The following NCOR1 variants were observed in gnomAD, a reference collection of about 807,000 sequenced individuals.
The protein encoded by NCOR1 is nuclear receptor corepressor 1.
NCOR1 carries 63 observed loss-of-function variants against 288.1 expected under a neutral mutation model. The observed-to-expected ratio is 0.22, with a 90% CI of 0.18 to 0.27. The LOEUF (loss-of-function observed/expected upper bound fraction) is 0.27, where lower values mean the gene tolerates loss of function less well. Ranked by LOEUF, NCOR1 falls within the 10% of genes least tolerant of loss-of-function variation. The pLI is 1.00. For missense variants in NCOR1, 2,397 were observed against 3,019.2 expected (o/e 0.79, Z 4.83); for synonymous variants, 1,007 against 1,065.9 (o/e 0.94, Z 1.08).
intron 22 of NCOR1, among the ~76,000 whole-genome samples, chr17:16,086,771 A>G (rs1247918042): frequency 6.6e-6 from 1 of 152,214 alleles, no homozygotes; most frequent in East Asian, 1.9e-4. Flanking sequence ...TACTTCTTAA[A>G]AACAGCTGAT....
At chr17:16,133,104 G>C (rs1433744324) in intron 14 of NCOR1, among the ~76,000 whole-genome samples, 1 of 151,996 alleles carries the variant, frequency 6.6e-6, no homozygotes, top group African/African-American at 2.4e-5. Context: ...GAATAGCTGA[G>C]ATTATAGGTG....
In NCOR1 at chr17:16,127,347, A is replaced by G. The variant is rs376368056; in HGVS notation, c.1510-1141T>C. On this transcript the variant is annotated intron_variant, in intron 14 of 45. Transcript: ENST00000268712. ...TATGTATGTATATATACATGTATGT[A>G]TATATGTATGTATATATACATGTAT... Among the ~76,000 whole-genome samples, 5 of 136,374 alleles carry G rather than the reference A, an allele frequency of 3.7e-5. 1 individual carries two copies. Among genetic ancestry groups the G allele is most frequent in the South Asian group, 4.4e-4 (2 of 4,578 alleles). 89.5% of individuals were successfully genotyped at this position (136,374 alleles called of 152,430 possible). A position where few individuals can be genotyped will look rare whatever the true frequency, so the allele number is the denominator to read the frequency against.
intron 18 of NCOR1, among the ~76,000 whole-genome samples, chr17:16,115,707 C>A (rs2071437563): frequency 6.6e-6 from 1 of 152,206 alleles, no homozygotes. Context: ...TCTGAGATCA[C>A]CTCAGCCTGG....
intron 13 of NCOR1, 79 bp downstream of exon 13, chr17:16,138,077 TTA>T: frequency 8.7e-7 from 1 of 1,144,936 alleles, no homozygotes; most frequent in Non-Finnish European, 1.3e-6. Context: ...AGTTAACTAC[TTA>T]TATGTGTCAG....
chr17:16,143,783 A>T (rs2077471080), intron 10 of NCOR1, 87 bp from the exon 11 acceptor site: 1 of 986,722 alleles, frequency 1.0e-6, no homozygotes, highest in African/African-American at 1.6e-5. Context: ...ACTTTTCTGA[A>T]TGGAACTTTT....
chr17:16,200,336 CA>C (rs930188478), intron 1 of NCOR1, among the ~76,000 whole-genome samples: 39 of 143,342 alleles, frequency 2.7e-4, no homozygotes, highest in African/African-American at 2.5e-4. Flanking sequence ...AACACACCCA[CA>C]AAAAAAAAAA....
rs537795184 is a variant in NCOR1, at chr17:16,213,489, C to CAAAAAAAAAAA, written c.-71+1862_-71+1872dup. Among the ~76,000 whole-genome samples the CAAAAAAAAAAA allele has an allele frequency of 1.1e-3, 87 of 78,120 alleles. 3 individuals carry two copies. The highest frequency in any genetic ancestry group is 9.1e-3 in the Middle Eastern group (1 of 110). The allele number at this position is 78,120 out of a possible 152,430, so 51.2% of individuals were successfully genotyped here. On this transcript the variant is annotated intron_variant, in intron 1 of 45. Transcript: ENST00000268712. Reference sequence around the variant, plus strand: ...CCTGGGTGACAGAGCAAGACTGTCTCAAAAAAAAAAAAAAAAAAAAGATAA... The same window carrying CAAAAAAAAAAA: ...CCTGGGTGACAGAGCAAGACTGTCTCAAAAAAAAAAAAAAAAAAAAAAAAAAAAAAAGATAA...
At chr17:16,191,685 AAAC>A (rs1292188764) in intron 2 of NCOR1, 1 of 152,214 alleles carries the variant, frequency 6.6e-6, no homozygotes, top group Non-Finnish European at 1.5e-5. Flanking sequence ...TCCCAGACAG[AAAC>A]TAGGGGAAAA....
At chr17:16,180,785 T>A (rs948496804) in intron 3 of NCOR1, among the ~76,000 whole-genome samples, 1 of 151,800 alleles carries the variant, frequency 6.6e-6, no homozygotes, top group Non-Finnish European at 1.5e-5. Context: ...ATACCTACAC[T>A]CCCATATTCA....
intron 31 of NCOR1, among the ~76,000 whole-genome samples, chr17:16,068,975 A>G (rs1451474811): frequency 6.6e-6 from 1 of 152,070 alleles, no homozygotes; most frequent in East Asian, 1.9e-4. Flanking sequence ...TTGGCCTCCC[A>G]AAGTGCTGGG....
At chr17:16,163,422 A>G (rs1372500640) in intron 5 of NCOR1, among the ~76,000 whole-genome samples, 4 of 152,230 alleles carry the variant, frequency 2.6e-5, no homozygotes, top group African/African-American at 9.6e-5. Context: ...GCTCAACATC[A>G]TTAGTCATTA....
In NCOR1 at chr17:16,074,906, C is replaced by T. The variant is rs148388901; in HGVS notation, c.3670+628G>A. On this transcript the variant is annotated intron_variant, in intron 27 of 45. Coordinates refer to ENST00000268712, the MANE Select transcript of NCOR1 (RefSeq NM_006311.4). The stretch of plus-strand genomic sequence containing the variant: ...TGTTTGAGACAGACTCTCGCTCTGT[C>T]GCCCAGGCTGGAGTGCAGTGGCCCA... Among the ~76,000 whole-genome samples, 842 of 152,290 alleles carry T rather than the reference C, an allele frequency of 5.5e-3. 11 individuals carry two copies. Among genetic ancestry groups the T allele is most frequent in the African/African-American group, 0.019 (807 of 41,550 alleles).
chr17:16,153,354 G>C lies in NCOR1; in HGVS notation c.774C>G (p.Gly258=). ...ATTTACTTACCAGTTCAACTTTTGG[G>C]CCAAGACCTTCAAAAATTTTATGAG... ...EEAHKIFEGL[G]PKVELPLYNQ... The change falls in exon 7 of 46, where the codon GGC becomes GGG. Residue 258 remains glycine (G), a synonymous_variant. Transcript: ENST00000268712. 6.3e-7 allele frequency: 1 copy of C among 1,598,854 alleles called. No homozygotes were observed. The highest frequency in any genetic ancestry group is 1.1e-5 in the South Asian group (1 of 87,724).
At chr17:16,194,116 C>T (rs178810) in intron 2 of NCOR1, among the ~76,000 whole-genome samples, 80,679 of 151,886 alleles carry the variant, frequency 0.53, 21,824 homozygotes, top group Middle Eastern at 0.61. Context: ...TGGCCCTCAC[C>T]CAAGACATGC....
In NCOR1 at chr17:16,144,763, C is replaced by T. The variant is rs544636032; in HGVS notation, c.1083-1067G>A. Among the ~76,000 whole-genome samples, 426 of 151,884 alleles carry T rather than the reference C, an allele frequency of 2.8e-3. 3 individuals carry two copies. Among genetic ancestry groups the T allele is most frequent in the African/African-American group, 9.5e-3 (394 of 41,420 alleles). Reference sequence around the variant, plus strand: ...CTCCGCTTCTCCCGCTTTCCACGATCTCCCTCTCCCTCTCCTCCCGCTTTC... The same window carrying T: ...CTCCGCTTCTCCCGCTTTCCACGATTTCCCTCTCCCTCTCCTCCCGCTTTC... On this transcript the variant is annotated intron_variant, in intron 10 of 45. Coordinates refer to ENST00000268712, the MANE Select transcript of NCOR1 (RefSeq NM_006311.4).
intron 39 of NCOR1, 39 bp from the exon 40 acceptor site, chr17:16,057,776 A>C: frequency 6.4e-7 from 1 of 1,565,010 alleles, no homozygotes; most frequent in Non-Finnish European, 8.7e-7. Flanking sequence ...AAATTCATTG[A>C]GTACTTGCAA....
In NCOR1 at chr17:16,071,932, T is replaced by C. The variant is rs61138459; in HGVS notation, c.3895+213A>G. 5.1e-3 allele frequency among the ~76,000 whole-genome samples: 771 copies of C among 152,310 alleles called. 8 individuals carry two copies. The highest frequency in any genetic ancestry group is 0.017 in the African/African-American group (723 of 41,562). ...ATTCATAATAGTCACAGAATGGTTC[T>C]TGCATAATAAAGATATCTCTATATT... On this transcript the variant is annotated intron_variant, in intron 29 of 45. Coordinates refer to ENST00000268712, the MANE Select transcript of NCOR1 (RefSeq NM_006311.4).
chr17:16,039,429 G>C lies in NCOR1; in HGVS notation c.6955+4C>G. 2 of 1,612,672 alleles carry C rather than the reference G, an allele frequency of 1.2e-6. No individual in the cohort carries two copies. Among genetic ancestry groups the C allele is most frequent in the Non-Finnish European group, 1.7e-6 (2 of 1,179,212 alleles). On this transcript the variant is annotated splice_donor_region_variant and intron_variant, in intron 44 of 45. Coordinates refer to ENST00000268712, the MANE Select transcript of NCOR1 (RefSeq NM_006311.4). ...GCAGAAAAGCACTAAAATGAAAGCT[G>C]TACCTGAATGAGGTGATGGGTCCCC...
chr17:16,210,288 G>A (rs900813451), intron 1 of NCOR1, among the ~76,000 whole-genome samples: 3 of 152,242 alleles, frequency 2.0e-5, no homozygotes, highest in East Asian at 3.9e-4. Context: ...GGAGGCTGAC[G>A]CAGGAGAATT....
Sources: gnomAD v4.1 joint callset for allele counts (sites outside exome capture counted in the v4.1 genomes callset) on GRCh38, gnomAD v4.1.1 for gene constraint, MANE v1.5 for transcripts, NCBI Gene and HGNC (gene_info 2026-07-23, HGNC 2026-07-21) for gene names.